GDA: variants seen among roughly 807,000 people sequenced by gnomAD.
GDA encodes cytoplasmic PSD-95 interactor.
Under a neutral mutation model 59.6 loss-of-function variants are expected in GDA, and 18 were observed. That is an observed-to-expected ratio of 0.30 (90% confidence interval 0.21 to 0.45). The LOEUF (loss-of-function observed/expected upper bound fraction) is 0.45. Ranked by LOEUF, GDA falls within the 20% of genes least tolerant of loss-of-function variation. The pLI, the probability that GDA is intolerant of heterozygous loss-of-function variation, is 1.00. For synonymous variants in GDA, 201 were observed against 201.1 expected, an observed-to-expected ratio of 1.00 and a Z score of 0.00; for missense variants, 427 against 552.3, an observed-to-expected ratio of 0.77 and a Z score of 2.27.
chr9:72,152,776 C>A (rs1827377710), intron 1 of GDA, among the ~76,000 whole-genome samples: 1 of 152,122 alleles, frequency 6.6e-6, no homozygotes, highest in Admixed American at 6.6e-5. Context: ...TTTTGCTGTG[C>A]AGAAGCTCTT....
chr9:72,175,435 G>A (rs1019718646), intron 1 of GDA, among the ~76,000 whole-genome samples: 4 of 152,226 alleles, frequency 2.6e-5, no homozygotes, highest in African/African-American at 4.8e-5. Flanking sequence ...ACCCAGGAAA[G>A]AGAACATGTT....
chr9:72,248,548 C>T lies in GDA; in HGVS notation c.*206C>T. On this transcript the variant is annotated 3_prime_UTR_variant, in exon 14 of 14. Coordinates refer to ENST00000358399, the MANE Select transcript of GDA (RefSeq NM_004293.5). ...TCTGGTTGAGAGGGTTCATAAATTTCATGAAAATATCTCCCTTTGGAGCTG... is the reference window on the plus strand; with the variant it reads ...TCTGGTTGAGAGGGTTCATAAATTTTATGAAAATATCTCCCTTTGGAGCTG... 1.4e-6 allele frequency: 2 copies of T among 1,380,324 alleles called. No individual in the cohort carries two copies. The highest frequency in any genetic ancestry group is 1.9e-6 in the Non-Finnish European group (2 of 1,068,218). The allele number at this position is 1,380,324 out of a possible 1,614,324, so 85.5% of individuals were successfully genotyped here.
chr9:72,200,873 G>A (rs1464318414), intron 2 of GDA, among the ~76,000 whole-genome samples: 1 of 152,098 alleles, frequency 6.6e-6, no homozygotes, highest in Non-Finnish European at 1.5e-5. Context: ...GGAACGTAGT[G>A]ACCGAGAGTA....
intron 1 of GDA, among the ~76,000 whole-genome samples, chr9:72,134,523 AC>A (rs750214477): frequency 3.7e-4 from 56 of 151,948 alleles, no homozygotes; most frequent in Admixed American, 3.7e-3. Context: ...TGCCCCAGCC[AC>A]ATGAGTAGCT....
chr9:72,245,250 A>T lies in GDA; in HGVS notation c.1238A>T (p.Tyr413Phe), dbSNP rs768721423. Residue 413 changes from tyrosine (Y) to phenylalanine (F), a missense_variant, in exon 12 of 14, where the codon TAT becomes TTT. Coordinates refer to ENST00000358399, the MANE Select transcript of GDA (RefSeq NM_004293.5). Reference protein sequence around the residue: ...KASDSPIDLFYGDFFGDISEA... With the variant: ...KASDSPIDLFFGDFFGDISEA... Reference sequence around the variant, plus strand: ...TCCGACTCTCCCATTGACCTGTTTTATGGGGACTTTTTTGGTGATATTTCT... The same window carrying T: ...TCCGACTCTCCCATTGACCTGTTTTTTGGGGACTTTTTTGGTGATATTTCT... 6.2e-7 allele frequency: 1 copy of T among 1,611,734 alleles called. No individual in the cohort carries two copies.
rs563044834 is a variant in GDA, at chr9:72,232,377, T to G, written c.988+1196T>G. ...GATTTTACTGATATTTTGAAAGAGG[T>G]ATATATTAGATTAGAAGTTTTTCCC... On this transcript the variant is annotated intron_variant, in intron 10 of 13. Coordinates refer to ENST00000358399, the MANE Select transcript of GDA (RefSeq NM_004293.5). 9.9e-5 allele frequency among the ~76,000 whole-genome samples: 15 copies of G among 152,232 alleles called. No homozygotes were observed. The South Asian group carries it at 3.1e-3, about 32-fold the overall frequency.
At chr9:72,236,591 G>C (rs545081570) in intron 10 of GDA, among the ~76,000 whole-genome samples, 1 of 151,940 alleles carries the variant, frequency 6.6e-6, no homozygotes, top group South Asian at 2.1e-4. Context: ...CCAATCAAAG[G>C]CAAAAATACC....
chr9:72,143,462 A>T (rs954803910), intron 1 of GDA, among the ~76,000 whole-genome samples: 2 of 152,092 alleles, frequency 1.3e-5, no homozygotes, highest in African/African-American at 4.8e-5. Context: ...CTGTCATGGT[A>T]GGAAGCCGGC....
rs370046437 is a variant in GDA at position 72,175,038 on chromosome 9, T to C, written c.124-20462T>C. Among the ~76,000 whole-genome samples the C allele has an allele frequency of 4.5e-3, 681 of 152,010 alleles. 6 individuals carry two copies. The highest frequency in any genetic ancestry group is 0.016 in the African/African-American group (643 of 41,462). On this transcript the variant is annotated intron_variant, in intron 1 of 13. Coordinates refer to ENST00000358399, the MANE Select transcript of GDA (RefSeq NM_004293.5). ...CAAAGGCAGAGGGAGGAGCAAGGTA[T>C]AGGATGGCTGCAGTGGGATTAGGCT... is the stretch of plus-strand genomic sequence containing the variant.
intron 1 of GDA, among the ~76,000 whole-genome samples, chr9:72,152,579 A>T (rs1827343474): frequency 6.6e-6 from 1 of 152,172 alleles, no homozygotes; most frequent in Admixed American, 6.6e-5. Flanking sequence ...TTGGCTACAT[A>T]AATGTCTTCT....
downstream of GDA, among the ~76,000 whole-genome samples, chr9:72,256,285 A>G (rs945533341): frequency 6.6e-6 from 1 of 152,230 alleles, no homozygotes; most frequent in Admixed American, 6.5e-5. Context: ...TTTAATCAAC[A>G]TTCATTTAAG....
chr9:72,234,768 T>C (rs1359131391), intron 10 of GDA, among the ~76,000 whole-genome samples: 1 of 152,204 alleles, frequency 6.6e-6, no homozygotes, highest in Admixed American at 6.5e-5. Context: ...AAAAAATTTC[T>C]ACAATATTGA....
intron 11 of GDA, among the ~76,000 whole-genome samples, chr9:72,243,045 C>T (rs943080329): frequency 6.6e-6 from 1 of 152,112 alleles, no homozygotes; most frequent in Non-Finnish European, 1.5e-5. Flanking sequence ...GTTTGTTTCT[C>T]TACTATAGTC....
intron 1 of GDA, among the ~76,000 whole-genome samples, chr9:72,170,927 C>T (rs765564801): frequency 3.9e-5 from 6 of 152,154 alleles, no homozygotes; most frequent in Non-Finnish European, 7.3e-5. Context: ...AGTGATCCTC[C>T]CACCTCAGCC....
chr9:72,133,079 A>G (rs1462913492), intron 1 of GDA, among the ~76,000 whole-genome samples: 1 of 151,902 alleles, frequency 6.6e-6, no homozygotes, highest in Non-Finnish European at 1.5e-5. Flanking sequence ...TCACGAGGTC[A>G]GGAGATCAAG....
chr9:72,179,186 A>T (rs942304788), intron 1 of GDA, among the ~76,000 whole-genome samples: 1 of 152,180 alleles, frequency 6.6e-6, no homozygotes, highest in Non-Finnish European at 1.5e-5. Context: ...TGTCCAACAA[A>T]GTTATCTGTC....
intron 9 of GDA, among the ~76,000 whole-genome samples, chr9:72,230,175 C>A (rs1281554168): frequency 6.6e-6 from 1 of 152,094 alleles, no homozygotes; most frequent in Non-Finnish European, 1.5e-5. Flanking sequence ...TAAGGATCAC[C>A]TTAGTTTTCC....
At chr9:72,238,715 G>C (rs1222391131) in intron 10 of GDA, among the ~76,000 whole-genome samples, 1 of 152,138 alleles carries the variant, frequency 6.6e-6, no homozygotes, top group Non-Finnish European at 1.5e-5. Flanking sequence ...AGCAAGTAAT[G>C]ATACCATCTT....
intron 10 of GDA, 71 bp from the exon 11 acceptor site, chr9:72,241,081 C>A: frequency 9.3e-7 from 1 of 1,078,566 alleles, no homozygotes; most frequent in Non-Finnish European, 1.3e-6. Flanking sequence ...GTCATAAAAA[C>A]AATGTTATAT....
Sources: allele counts gnomAD v4.1 joint callset (sites outside exome capture counted in the v4.1 genomes callset), GRCh38; gene constraint gnomAD v4.1.1; transcripts MANE v1.5; gene names NCBI Gene and HGNC (gene_info 2026-07-23, HGNC 2026-07-21).